GLG1: variants seen among roughly 807,000 people sequenced by gnomAD.
GLG1 encodes golgi glycoprotein 1.
GLG1 carries 38 observed loss-of-function variants against 160.5 expected under a neutral mutation model. The observed-to-expected ratio is 0.24, with a 90% CI of 0.18 to 0.31. The LOEUF is 0.31. Among genes scored for constraint, GLG1 ranks in the 10% least tolerant of loss-of-function variants. The pLI, the probability that GLG1 is intolerant of heterozygous loss-of-function variation, is 1.00. For synonymous variants in GLG1, 644 were observed against 543.4 expected, an observed-to-expected ratio of 1.19 and a Z score of -2.57; for missense variants, 1,373 against 1,505.2, an observed-to-expected ratio of 0.91 and a Z score of 1.45.
Position 74,463,488 on chromosome 16 carries a change from A to G in GLG1, c.2668-9T>C. The G allele has an allele frequency of 6.2e-7, 1 of 1,613,550 alleles. No individual in the cohort carries two copies. Among genetic ancestry groups the G allele is most frequent in the Non-Finnish European group, 8.5e-7 (1 of 1,179,742 alleles). ...GCTTCCGGACAGAACCTCTGCAAAGAAACAGTTTGATAAAAACAGCTATCT... is the reference window on the plus strand; with the variant it reads ...GCTTCCGGACAGAACCTCTGCAAAGGAACAGTTTGATAAAAACAGCTATCT... On this transcript the variant is annotated splice_polypyrimidine_tract_variant and intron_variant, in intron 19 of 25. Coordinates refer to ENST00000422840, the MANE Select transcript of GLG1 (RefSeq NM_001145667.2).
chr16:74,469,809 C>T, intron 16 of GLG1, 176 bp downstream of exon 16: 1 of 600,610 alleles, frequency 1.7e-6, no homozygotes, highest in South Asian at 2.0e-5. Context: ...CTACCATCGC[C>T]AGATGCTCTG....
chr16:74,516,106 G>C (rs971656790), intron 2 of GLG1, among the ~76,000 whole-genome samples: 7 of 151,428 alleles, frequency 4.6e-5, no homozygotes, highest in Non-Finnish European at 7.4e-5. Flanking sequence ...AATAATAATG[G>C]GAGACTTTAA....
chr16:74,480,337 G>A lies in GLG1; in HGVS notation c.1731C>T (p.Thr577=). Residue 577 remains threonine (T), a synonymous_variant, in exon 11 of 26, where the codon ACC becomes ACT. Coordinates refer to ENST00000422840, the MANE Select transcript of GLG1 (RefSeq NM_001145667.2). ...CQGDASRLCH[T]HGWNETSEFM... ...ATTCACTGGTCTCATTCCAACCGTG[G>A]GTGTGGCAAAGACGAGAAGCGTCTC... 1.9e-6 allele frequency: 3 copies of A among 1,613,078 alleles called. No individual in the cohort carries two copies. In the African/African-American group the frequency reaches 4.0e-5, roughly 21 times the overall value.
intron 18 of GLG1, 115 bp downstream of exon 18, chr16:74,467,641 C>T (rs1048214689): frequency 1.4e-6 from 1 of 693,106 alleles, no homozygotes; most frequent in Non-Finnish European, 2.5e-6. Context: ...GGTCCTGTCT[C>T]ACCAGCAAAA....
intron 1 of GLG1, among the ~76,000 whole-genome samples, chr16:74,603,587 A>T (rs1471577686): frequency 6.6e-6 from 1 of 151,862 alleles, no homozygotes; most frequent in Non-Finnish European, 1.5e-5. Context: ...AACACCACAA[A>T]CTTCTAAGGA....
intron 1 of GLG1, among the ~76,000 whole-genome samples, chr16:74,601,501 G>C (rs1379429224): frequency 2.0e-5 from 3 of 151,830 alleles, no homozygotes; most frequent in African/African-American, 7.3e-5. Flanking sequence ...ACAGTCATTT[G>C]TTAGTTAATG....
chr16:74,548,758 G>A (rs925190051), intron 1 of GLG1, among the ~76,000 whole-genome samples: 1 of 152,090 alleles, frequency 6.6e-6, no homozygotes, highest in African/African-American at 2.4e-5. Context: ...CACTTTGTGA[G>A]GCTGAGACAA....
chr16:74,562,225 G>C (rs2018531921), intron 1 of GLG1, among the ~76,000 whole-genome samples: 1 of 152,174 alleles, frequency 6.6e-6, no homozygotes, highest in South Asian at 2.1e-4. Context: ...ACAGCTTTAG[G>C]TGAAGCTAAC....
At chr16:74,510,105 C>G (rs2016755067) in intron 2 of GLG1, among the ~76,000 whole-genome samples, 1 of 151,262 alleles carries the variant, frequency 6.6e-6, no homozygotes, top group African/African-American at 2.4e-5. Context: ...GATCTCGGCT[C>G]ACCACAACCT....
At chr16:74,457,618 C>T (rs2143145241) in intron 24 of GLG1, among the ~76,000 whole-genome samples, 1 of 152,218 alleles carries the variant, frequency 6.6e-6, no homozygotes, top group Non-Finnish European at 1.5e-5. Flanking sequence ...TAATAAATAC[C>T]TCAATTCTCC....
chr16:74,472,921 A>G (rs1284811613), intron 13 of GLG1: 2 of 215,820 alleles, frequency 9.3e-6, no homozygotes, highest in Non-Finnish European at 1.9e-5. Context: ...TTAAAGAGCT[A>G]TACACCCAGA....
At chr16:74,509,586 A>T (rs1057382403) in intron 2 of GLG1, among the ~76,000 whole-genome samples, 5 of 151,872 alleles carry the variant, frequency 3.3e-5, no homozygotes, top group Non-Finnish European at 7.4e-5. Flanking sequence ...GCGGTGGCTG[A>T]CGCCTGTAAT....
Position 74,452,659 on chromosome 16 carries a change from G to A in GLG1, c.*508C>T, listed in dbSNP as rs1026676930. ...CCCAAGGTGCTTCTGAGAGATGAAC[G>A]AGACACCTCAGTCATGGCACACTGG... On this transcript the variant is annotated 3_prime_UTR_variant, in exon 26 of 26. Coordinates refer to ENST00000422840, the MANE Select transcript of GLG1 (RefSeq NM_001145667.2). 13 of 996,264 alleles carry A rather than the reference G, an allele frequency of 1.3e-5. No homozygotes were observed. Among genetic ancestry groups the A allele is most frequent in the Non-Finnish European group, 1.4e-5 (12 of 835,904 alleles). The allele number at this position is 996,264 out of a possible 1,614,324, so 61.7% of individuals were successfully genotyped here.
chr16:74,467,223 TG>T (rs2015032131), intron 18 of GLG1, among the ~76,000 whole-genome samples: 1 of 152,266 alleles, frequency 6.6e-6, no homozygotes, highest in South Asian at 2.1e-4. Flanking sequence ...TGAAGCCCCA[TG>T]GCAATGCCCT....
At chr16:74,556,204 T>G (rs2018348960) in intron 1 of GLG1, among the ~76,000 whole-genome samples, 1 of 152,168 alleles carries the variant, frequency 6.6e-6, no homozygotes, top group African/African-American at 2.4e-5. Flanking sequence ...ATGTCCCTCT[T>G]ACTCTTACTA....
At chr16:74,474,980 A>C (rs1223097682) in intron 12 of GLG1, among the ~76,000 whole-genome samples, 1 of 151,962 alleles carries the variant, frequency 6.6e-6, no homozygotes, top group Non-Finnish European at 1.5e-5. Context: ...AACACAGTGA[A>C]ACCCCATCCC....
rs112019743 is a variant in GLG1 at position 74,449,301 on chromosome 16, T to A, written c.*3866A>T. On this transcript the variant is annotated 3_prime_UTR_variant, in exon 26 of 26. Transcript: ENST00000422840. ...TGGCCTCTCCCCAGATGACTCACTATAGTAGGAACTTCGGGGCAGAAGTCA... is the reference window on the plus strand; with the variant it reads ...TGGCCTCTCCCCAGATGACTCACTAAAGTAGGAACTTCGGGGCAGAAGTCA... The A allele has an allele frequency of 6.6e-6, 1 of 152,214 alleles. No homozygotes were observed. The highest frequency in any genetic ancestry group is 1.5e-5 in the Non-Finnish European group (1 of 68,092). The allele number at this position is 152,214 out of a possible 1,614,324, so 9.4% of individuals were successfully genotyped here.
intron 1 of GLG1, among the ~76,000 whole-genome samples, chr16:74,550,579 C>A (rs1347521274): frequency 6.6e-6 from 1 of 152,138 alleles, no homozygotes; most frequent in African/African-American, 2.4e-5. Flanking sequence ...AAATTTAAAA[C>A]ATAATTTTTT....
intron 1 of GLG1, among the ~76,000 whole-genome samples, chr16:74,588,848 G>A (rs1958108477): frequency 6.6e-6 from 1 of 151,970 alleles, no homozygotes; most frequent in South Asian, 2.1e-4. Flanking sequence ...AAGATTAAAA[G>A]GGTTCCATAA....
Sources: allele counts gnomAD v4.1 joint callset (sites outside exome capture counted in the v4.1 genomes callset), GRCh38; gene constraint gnomAD v4.1.1; transcripts MANE v1.5; gene names NCBI Gene and HGNC (gene_info 2026-07-23, HGNC 2026-07-21).